The following SLC30A9 variants were observed in gnomAD, a reference collection of about 807,000 sequenced individuals.
The protein encoded by SLC30A9 is proton-coupled zinc antiporter SLC30A9, mitochondrial.
SLC30A9 carries 58 observed loss-of-function variants against 87.5 expected under a neutral mutation model. The ratio of observed to expected loss-of-function variants is 0.66; its 90% CI spans 0.54 to 0.82. SLC30A9 has a LOEUF of 0.82. Ranked by LOEUF, SLC30A9 falls within the 40% of genes least tolerant of loss-of-function variation. SLC30A9 has a pLI of 0.00. For missense variants in SLC30A9, 557 were observed against 679.1 expected (o/e 0.82, Z 2.00); for synonymous variants, 234 against 233.0 (o/e 1.00, Z -0.04).
intron 2 of SLC30A9, among the ~76,000 whole-genome samples, chr4:42,013,887 C>G (rs977077922): frequency 6.6e-6 from 1 of 152,144 alleles, no homozygotes; most frequent in Non-Finnish European, 1.5e-5. Flanking sequence ...CAAAAATGGA[C>G]AAATGGGATC....
chr4:42,017,972 C>G, intron 2 of SLC30A9, 139 bp from the exon 3 acceptor site: 2 of 539,598 alleles, frequency 3.7e-6, no homozygotes, highest in Non-Finnish European at 3.3e-6. Context: ...ACTACTCTTA[C>G]ATTCTTAAGA....
At chr4:42,021,168 A>T in intron 4 of SLC30A9, among the ~76,000 whole-genome samples, 1 of 152,168 alleles carries the variant, frequency 6.6e-6, no homozygotes, top group African/African-American at 2.4e-5. Flanking sequence ...AACTTTTATA[A>T]CTATTACATC....
chr4:42,000,130 G>A (rs1257601404), intron 1 of SLC30A9, among the ~76,000 whole-genome samples: 1 of 152,056 alleles, frequency 6.6e-6, no homozygotes, highest in Non-Finnish European at 1.5e-5. Flanking sequence ...CTAGCATCAA[G>A]TCATGGAAAT....
At chr4:41,994,060 G>A (rs1714579888) in intron 1 of SLC30A9, among the ~76,000 whole-genome samples, 1 of 152,116 alleles carries the variant, frequency 6.6e-6, no homozygotes, top group Non-Finnish European at 1.5e-5. Flanking sequence ...GGGAGACTGA[G>A]GCAGGAGAAT....
At chr4:42,012,667 C>T (rs1037135692) in intron 2 of SLC30A9, among the ~76,000 whole-genome samples, 3 of 151,822 alleles carry the variant, frequency 2.0e-5, no homozygotes, top group African/African-American at 4.8e-5. Flanking sequence ...CTATAGTCAC[C>T]CTATTGTGCT....
intron 2 of SLC30A9, among the ~76,000 whole-genome samples, chr4:42,009,077 G>T (rs1235401897): frequency 6.6e-6 from 1 of 152,164 alleles, no homozygotes; most frequent in African/African-American, 2.4e-5. Context: ...CTCTGCAGAG[G>T]TGAACACAGA....
At position 42,001,733 on chromosome 4, in the gene SLC30A9, A is replaced by G. The variant is rs746379988; in HGVS notation, c.227A>G (p.Gln76Arg). Residue 76 changes from glutamine to arginine, a missense_variant, in exon 2 of 18, where the codon CAG (glutamine) becomes CGG (arginine). Around this residue, in one of 2 missense-constraint regions of SLC30A9, gnomAD observed 467 missense variants for 529.8 expected, o/e 0.88. Coordinates refer to ENST00000264451, the MANE Select transcript of SLC30A9 (RefSeq NM_006345.4). ...TCCACAAATGTTCAGAAAGAAGGAC[A>G]GGGATCACAAACACTCAGAGTGGAA... ...LYSTNVQKEG[Q>R]GSQTLRVEKV... 5.0e-6 allele frequency: 8 copies of G among 1,611,550 alleles called. No homozygotes were observed. The Admixed American group carries it at 1.3e-4, about 27-fold the overall frequency.
rs79699479 is a variant in SLC30A9 at position 42,023,434 on chromosome 4, T to A, written c.610+50T>A. 1.3e-4 allele frequency: 156 copies of A among 1,202,026 alleles called. 2 individuals are homozygous for A. The East Asian group carries it at 2.4e-3, about 18-fold the overall frequency. The allele number at this position is 1,202,026 out of a possible 1,614,324, so 74.5% of individuals were successfully genotyped here. A position where few individuals can be genotyped will look rare whatever the true frequency, so the allele number is the denominator to read the frequency against. On this transcript the variant is annotated intron_variant, in intron 6 of 17. Transcript: ENST00000264451. ...AGTTAATTGAAAAATAACTTGTAGA[T>A]GAGAACTGTATCTGTAAGAACTCTC...
At chr4:42,035,387 A>C (rs1260953202) in intron 7 of SLC30A9, 54 bp downstream of exon 7, 7 of 1,572,156 alleles carry the variant, frequency 4.5e-6, no homozygotes, top group African/African-American at 1.4e-5. Context: ...CAAAATTCTA[A>C]TATCAGTCCA....
At chr4:42,002,410 C>T (rs1248928665) in intron 2 of SLC30A9, among the ~76,000 whole-genome samples, 2 of 151,222 alleles carry the variant, frequency 1.3e-5, no homozygotes, top group East Asian at 3.9e-4. Context: ...GTTTTTCAAC[C>T]ATTGCTGCCC....
In SLC30A9 at chr4:42,040,266, T is replaced by C. The variant is rs552460590; in HGVS notation, c.737+1213T>C. Among the ~76,000 whole-genome samples the C allele has an allele frequency of 3.9e-5, 6 of 152,306 alleles. 1 individual carries two copies. Among genetic ancestry groups the C allele is most frequent in the African/African-American group, 1.4e-4 (6 of 41,560 alleles). Reference sequence around the variant, plus strand: ...TCAACAGGGTTCTTTCCACCAGTAATACAGGGATAGTGATTATAGCTTTTC... The same window carrying C: ...TCAACAGGGTTCTTTCCACCAGTAACACAGGGATAGTGATTATAGCTTTTC... On this transcript the variant is annotated intron_variant, in intron 8 of 17. Coordinates refer to ENST00000264451, the MANE Select transcript of SLC30A9 (RefSeq NM_006345.4).
intron 2 of SLC30A9, among the ~76,000 whole-genome samples, chr4:42,011,564 T>A (rs1715445280): frequency 6.6e-6 from 1 of 152,046 alleles, no homozygotes; most frequent in Non-Finnish European, 1.5e-5. Context: ...CACAAGAATG[T>A]GAAGAGGAGA....
At chr4:42,060,947 C>T (rs1318153822) in intron 10 of SLC30A9, among the ~76,000 whole-genome samples, 1 of 152,106 alleles carries the variant, frequency 6.6e-6, no homozygotes, top group Non-Finnish European at 1.5e-5. Flanking sequence ...CTACTGTTTT[C>T]CCATAAATAA....
chr4:41,996,827 A>G (rs2153132306), intron 1 of SLC30A9, among the ~76,000 whole-genome samples: 1 of 152,244 alleles, frequency 6.6e-6, no homozygotes, highest in East Asian at 1.9e-4. Flanking sequence ...TCAGGTTAGG[A>G]GTTCAAGACC....
intron 6 of SLC30A9, among the ~76,000 whole-genome samples, chr4:42,032,533 A>G (rs1560544750): frequency 6.6e-6 from 1 of 152,158 alleles, no homozygotes. Flanking sequence ...AGTTGGCAAA[A>G]TTTCAAAGTG....
chr4:42,059,346 G>A (rs1279394109), intron 9 of SLC30A9, among the ~76,000 whole-genome samples: 1 of 152,078 alleles, frequency 6.6e-6, no homozygotes, highest in African/African-American at 2.4e-5. Context: ...AAATTAGGAT[G>A]GAAAGGACTT....
intron 2 of SLC30A9, among the ~76,000 whole-genome samples, chr4:42,015,403 A>G (rs1309987526): frequency 1.3e-5 from 2 of 152,214 alleles, no homozygotes; most frequent in Non-Finnish European, 2.9e-5. Flanking sequence ...AGCAAAGAAA[A>G]CAAGATGGTA....
intron 8 of SLC30A9, among the ~76,000 whole-genome samples, chr4:42,041,466 G>C (rs1940588474): frequency 6.6e-6 from 1 of 152,140 alleles, no homozygotes; most frequent in Admixed American, 6.5e-5. Flanking sequence ...CCTGGTACAG[G>C]CACACACCTG....
At chr4:42,056,204 T>A (rs923866513) in intron 9 of SLC30A9, among the ~76,000 whole-genome samples, 1 of 152,002 alleles carries the variant, frequency 6.6e-6, no homozygotes. Flanking sequence ...TTGAATATTT[T>A]AAAAATAATA....
Sources: gnomAD v4.1 joint callset for allele counts (sites outside exome capture counted in the v4.1 genomes callset) on GRCh38, gnomAD v4.1.1 for gene constraint, gnomAD v4.1.1 regional missense constraint, MANE v1.5 for transcripts, NCBI Gene and HGNC (gene_info 2026-07-23, HGNC 2026-07-21) for gene names.